Variants in HEPH observed in about 807,000 individuals in gnomAD.
HEPH encodes hephaestin.
HEPH carries 69 observed loss-of-function variants against 80.8 expected under a neutral mutation model. That is an observed-to-expected ratio of 0.85 (90% CI 0.70 to 1.04). The LOEUF is 1.04. HEPH is among the 50% of genes least tolerant of loss of function. The probability of loss-of-function intolerance (pLI) is 0.00; values close to 1 mark genes in which losing one functional copy is unlikely to be tolerated. For synonymous variants in HEPH, 431 were observed against 322.8 expected (o/e 1.34, Z -3.60); for missense variants, 1,115 against 891.3 (o/e 1.25, Z -3.20).
intron 15 of HEPH, among the ~76,000 whole-genome samples, chrX:66,245,394 T>C (rs1029049664): frequency 3.6e-5 from 4 of 111,830 alleles, no homozygotes; most frequent in African/African-American, 1.3e-4. Context: ...GGCCATTACA[T>C]AATGGTAAAG....
intron 15 of HEPH, among the ~76,000 whole-genome samples, chrX:66,228,725 G>T (rs1017304218): frequency 1.4e-4 from 16 of 111,849 alleles, no homozygotes; most frequent in African/African-American, 4.2e-4. Context: ...GACATGAATA[G>T]ACAATTCTCA....
At chrX:66,247,896 A>G (rs945597530) in intron 15 of HEPH, among the ~76,000 whole-genome samples, 1 of 112,082 alleles carries the variant, frequency 8.9e-6, no homozygotes, top group African/African-American at 3.2e-5. Flanking sequence ...ATTAAACTAA[A>G]TTATAAATTA....
intron 15 of HEPH, among the ~76,000 whole-genome samples, chrX:66,214,207 G>T (rs1276058670): frequency 8.9e-6 from 1 of 112,099 alleles, no homozygotes; most frequent in Non-Finnish European, 1.9e-5. Flanking sequence ...GAGTTATACA[G>T]TAAATAGTGA....
chrX:66,214,451 C>T (rs922488880), intron 15 of HEPH, among the ~76,000 whole-genome samples: 2 of 111,558 alleles, frequency 1.8e-5, no homozygotes, highest in African/African-American at 6.5e-5. Flanking sequence ...TTGTCATCTA[C>T]TTGTTAACTT....
chrX:66,257,987 CATGCATTAATATCATTATTAATTCT>C (rs1325033091), intron 17 of HEPH, among the ~76,000 whole-genome samples: 4 of 111,727 alleles, frequency 3.6e-5, no homozygotes, highest in East Asian at 2.8e-4. Context: ...TTATTAATTC[CATGCATTAATATCATTATTAATTCT>C]ATGCATTAAT....
At chrX:66,179,932 A>G (rs1284367071) in intron 4 of HEPH, among the ~76,000 whole-genome samples, 2 of 111,224 alleles carry the variant, frequency 1.8e-5, no homozygotes, top group Non-Finnish European at 3.8e-5. Flanking sequence ...TTTTGCACGA[A>G]ATGCCTATTT....
chrX:66,176,603 C>A (rs1289482053), intron 4 of HEPH, among the ~76,000 whole-genome samples: 1 of 111,394 alleles, frequency 9.0e-6, no homozygotes, highest in African/African-American at 3.3e-5. Flanking sequence ...CACCCATTAC[C>A]TCATCATTTA....
At chrX:66,228,234 T>G (rs2089973563) in intron 15 of HEPH, among the ~76,000 whole-genome samples, 1 of 112,236 alleles carries the variant, frequency 8.9e-6, no homozygotes, top group Non-Finnish European at 1.9e-5. Flanking sequence ...TTTACTACTA[T>G]GAGACAGTAT....
chrX:66,197,868 G>T lies in HEPH; in HGVS notation c.1687G>T (p.Gly563Cys). The T allele has an allele frequency of 2.5e-6, 3 of 1,201,777 alleles. No homozygotes were observed. Among genetic ancestry groups the T allele is most frequent in the Non-Finnish European group, 3.4e-6 (3 of 890,256 alleles). ...LVGPLLVCRA[G>C]ALGADGKQKG... ...GGGCCCGCTGCTGGTGTGCAGGGCTGGTGCCTTGGGTGCAGATGGCAAGCA... is the reference window on the plus strand; with the variant it reads ...GGGCCCGCTGCTGGTGTGCAGGGCTTGTGCCTTGGGTGCAGATGGCAAGCA... Residue 563 changes from glycine to cysteine, a missense_variant, in exon 10 of 21, where the codon GGT becomes TGT. Around this residue, in one of 3 missense-constraint regions of HEPH, gnomAD observed 716 missense variants for 523.5 expected, o/e 1.37. Transcript: ENST00000343002.
At chrX:66,231,571 C>G (rs1422833136) in intron 15 of HEPH, among the ~76,000 whole-genome samples, 4 of 109,607 alleles carry the variant, frequency 3.6e-5, no homozygotes, top group African/African-American at 1.0e-4. Flanking sequence ...TGATTTGGCT[C>G]TCTGTTTGTC....
chrX:66,219,744 T>A (rs1235567101), intron 15 of HEPH, among the ~76,000 whole-genome samples: 1 of 111,678 alleles, frequency 9.0e-6, no homozygotes, highest in Admixed American at 9.5e-5. Flanking sequence ...CACCTGTCTT[T>A]GTAGGCAGTA....
chrX:66,232,762 A>T (rs1457459214), intron 15 of HEPH, among the ~76,000 whole-genome samples: 2 of 111,471 alleles, frequency 1.8e-5, no homozygotes, highest in Non-Finnish European at 3.8e-5. Context: ...GCACCAAAAT[A>T]CATAAAATCA....
rs2091551866 is a variant in HEPH at position 66,266,691 on chromosome X, A to G, written c.*19A>G. Reference sequence around the variant, plus strand: ...ACAGTAACATCTGGAGCCTGGAGATATCCTCAGGAAGCACATCTGTAGTGC... The same window carrying G: ...ACAGTAACATCTGGAGCCTGGAGATGTCCTCAGGAAGCACATCTGTAGTGC... On this transcript the variant is annotated 3_prime_UTR_variant, in exon 21 of 21. Transcript: ENST00000343002. The G allele has an allele frequency of 3.6e-6, 4 of 1,117,470 alleles. No homozygotes were observed. Among genetic ancestry groups the G allele is most frequent in the Admixed American group, 2.2e-5 (1 of 45,104 alleles). 92.1% of individuals were successfully genotyped at this position (1,117,470 alleles called of 1,213,427 possible). A position where few individuals can be genotyped will look rare whatever the true frequency, so the allele number is the denominator to read the frequency against.
At chrX:66,223,017 G>A (rs958443149) in intron 15 of HEPH, among the ~76,000 whole-genome samples, 2 of 110,811 alleles carry the variant, frequency 1.8e-5, no homozygotes, top group Non-Finnish European at 3.8e-5. Flanking sequence ...TTTAACTCAG[G>A]TGTGATGAGT....
intron 15 of HEPH, among the ~76,000 whole-genome samples, chrX:66,249,494 A>G (rs1265098087): frequency 9.0e-6 from 1 of 111,636 alleles, no homozygotes; most frequent in East Asian, 2.8e-4. Context: ...GAAAGTTTGT[A>G]CTTGTCACCC....
intron 4 of HEPH, among the ~76,000 whole-genome samples, chrX:66,178,447 T>A (rs1418023273): frequency 8.9e-6 from 1 of 112,639 alleles, no homozygotes; most frequent in East Asian, 2.8e-4. Context: ...TATAATCCTT[T>A]GGGTATATAC....
At chrX:66,230,615 A>G (rs1322918745) in intron 15 of HEPH, among the ~76,000 whole-genome samples, 1 of 97,133 alleles carries the variant, frequency 1.0e-5, no homozygotes, top group African/African-American at 4.0e-5. Context: ...CCACTTTTTG[A>G]TGGGGTTGTT....
chrX:66,193,980 A>AG (rs757235181), intron 8 of HEPH, among the ~76,000 whole-genome samples: 19 of 111,805 alleles, frequency 1.7e-4, no homozygotes, highest in Non-Finnish European at 3.4e-4. Context: ...GTATTCCTAA[A>AG]GGGCTATATA....
intron 12 of HEPH, among the ~76,000 whole-genome samples, chrX:66,202,975 T>C (rs1174281720): frequency 9.6e-6 from 1 of 104,596 alleles, no homozygotes; most frequent in South Asian, 4.2e-4. Context: ...TTTTTATATA[T>C]GTATATATAT....
Sources: allele counts gnomAD v4.1 joint callset (sites outside exome capture counted in the v4.1 genomes callset), GRCh38; gene constraint gnomAD v4.1.1; regional missense constraint gnomAD v4.1.1; transcripts MANE v1.5; gene names NCBI Gene and HGNC (gene_info 2026-07-23, HGNC 2026-07-21).